FAM117B: variants seen among roughly 807,000 people sequenced by gnomAD.
The protein encoded by FAM117B is family with sequence similarity 117 member B.
A neutral mutation model predicts 52.8 loss-of-function variants in FAM117B; 22 were observed. That is an observed-to-expected ratio of 0.42 (90% confidence interval 0.30 to 0.59). The LOEUF is 0.59. FAM117B is among the 20% of genes least tolerant of loss of function. The pLI is 0.22. For synonymous variants in FAM117B, 309 were observed against 324.1 expected (o/e 0.95, Z 0.50); for missense variants, 678 against 802.6 (o/e 0.84, Z 1.88).
At chr2:202,715,731 G>A (rs1282642686) in intron 2 of FAM117B, among the ~76,000 whole-genome samples, 1 of 152,346 alleles carries the variant, frequency 6.6e-6, no homozygotes, top group Non-Finnish European at 1.5e-5. Flanking sequence ...CAAGGCAGGC[G>A]GCTGGGAGGT....
intron 4 of FAM117B, among the ~76,000 whole-genome samples, chr2:202,743,085 G>C (rs1157388004): frequency 6.6e-6 from 1 of 152,148 alleles, no homozygotes; most frequent in East Asian, 1.9e-4. Context: ...GGAAACCCAA[G>C]GACTAGCTTA....
intron 2 of FAM117B, among the ~76,000 whole-genome samples, chr2:202,707,120 C>T (rs962155111): frequency 1.3e-5 from 2 of 152,126 alleles, no homozygotes; most frequent in African/African-American, 2.4e-5. Flanking sequence ...TGGCTCACTG[C>T]AGCCTTGACC....
At chr2:202,741,737 C>T (rs1162486670) in intron 4 of FAM117B, among the ~76,000 whole-genome samples, 1 of 151,960 alleles carries the variant, frequency 6.6e-6, no homozygotes, top group African/African-American at 2.4e-5. Flanking sequence ...GGGGTTTCAC[C>T]GTGTTAGCCA....
intron 1 of FAM117B, among the ~76,000 whole-genome samples, chr2:202,668,777 A>G (rs1235085131): frequency 6.6e-6 from 1 of 152,106 alleles, no homozygotes; most frequent in Admixed American, 6.6e-5. Flanking sequence ...TGCATTAAAT[A>G]TATGCCTCTA....
At chr2:202,739,519 G>A (rs939698255) in intron 4 of FAM117B, among the ~76,000 whole-genome samples, 1 of 144,922 alleles carries the variant, frequency 6.9e-6, no homozygotes, top group Non-Finnish European at 1.5e-5. Context: ...CTAGAATGGA[G>A]TGACCATGTC....
In FAM117B at chr2:202,697,802, G is replaced by C. The variant is rs1005790507; in HGVS notation, c.753+1770G>C. On this transcript the variant is annotated intron_variant, in intron 2 of 7. Coordinates refer to ENST00000392238, the MANE Select transcript of FAM117B (RefSeq NM_173511.4). ...TGTCCTCAAGTGATCTGCCTACCTC[G>C]GCCTCCCAAAGTGCTGGGATTACAG... Among the ~76,000 whole-genome samples, 3 of 151,866 alleles carry C rather than the reference G, an allele frequency of 2.0e-5. No homozygotes were observed. The South Asian group carries it at 6.3e-4, about 32-fold the overall frequency.
intron 1 of FAM117B, among the ~76,000 whole-genome samples, chr2:202,663,740 C>T (rs1012391391): frequency 1.3e-5 from 2 of 152,130 alleles, no homozygotes; most frequent in Non-Finnish European, 2.9e-5. Context: ...CCCCCTGCCA[C>T]ACCCAGCTAA....
At chr2:202,687,147 G>A (rs1206103797) in intron 1 of FAM117B, among the ~76,000 whole-genome samples, 1 of 152,172 alleles carries the variant, frequency 6.6e-6, no homozygotes. Flanking sequence ...GCAACAACAA[G>A]CATGGATCTC....
At chr2:202,694,582 T>C (rs1690682087) in intron 1 of FAM117B, among the ~76,000 whole-genome samples, 1 of 152,178 alleles carries the variant, frequency 6.6e-6, no homozygotes, top group South Asian at 2.1e-4. Flanking sequence ...CACCATATTA[T>C]TTTACTATTT....
At chr2:202,755,454 T>TA in intron 4 of FAM117B, 84 bp from the exon 5 acceptor site, 1 of 1,495,446 alleles carries the variant, frequency 6.7e-7, no homozygotes, top group South Asian at 1.3e-5. Flanking sequence ...ATTTTTGAGT[T>TA]ACTTATGTCT....
intron 1 of FAM117B, among the ~76,000 whole-genome samples, chr2:202,660,095 A>G (rs1439246172): frequency 6.6e-6 from 1 of 151,614 alleles, no homozygotes; most frequent in African/African-American, 2.4e-5. Context: ...GTTCTTTTTT[A>G]TAGTTTCAAT....
intron 1 of FAM117B, among the ~76,000 whole-genome samples, chr2:202,670,805 T>A (rs1398438083): frequency 3.9e-5 from 6 of 152,230 alleles, no homozygotes; most frequent in African/African-American, 1.4e-4. Flanking sequence ...TAGCTGAGCC[T>A]GGTCATGTAC....
chr2:202,765,335 T>C lies in FAM117B; in HGVS notation c.1452-111T>C, dbSNP rs897510782. On this transcript the variant is annotated intron_variant, in intron 7 of 7. Transcript: ENST00000392238. ...TGAGTTTTATATTCCTTTTCTGTGA[T>C]GTAAGTTAACTGTTTTTAAAAAATA... The C allele has an allele frequency of 5.6e-5, 59 of 1,054,660 alleles. 1 individual carries two copies. The East Asian group carries it at 1.4e-3, about 26-fold the overall frequency. 65.3% of individuals were successfully genotyped at this position (1,054,660 alleles called of 1,614,324 possible).
At chr2:202,636,571 G>A (rs1272218924) in intron 1 of FAM117B, among the ~76,000 whole-genome samples, 1 of 152,218 alleles carries the variant, frequency 6.6e-6, no homozygotes, top group Non-Finnish European at 1.5e-5. Context: ...GAGCTGTTGG[G>A]TGCCAATGGA....
intron 2 of FAM117B, among the ~76,000 whole-genome samples, chr2:202,722,709 A>G (rs1227213887): frequency 6.6e-6 from 1 of 152,134 alleles, no homozygotes; most frequent in Non-Finnish European, 1.5e-5. Flanking sequence ...ATCAGGGAAA[A>G]TAGCTAATGA....
chr2:202,648,518 A>ACCCCC (rs56196446), intron 1 of FAM117B, among the ~76,000 whole-genome samples: 2 of 96,672 alleles, frequency 2.1e-5, no homozygotes, highest in African/African-American at 6.9e-5. Context: ...CTCTGTCCCC[A>ACCCCC]CCCCCCCCCC....
intron 1 of FAM117B, among the ~76,000 whole-genome samples, chr2:202,677,228 C>T (rs1432767580): frequency 5.3e-5 from 8 of 152,132 alleles, no homozygotes; most frequent in South Asian, 2.1e-4. Flanking sequence ...CCACCATTCC[C>T]GGCTAATTTT....
At chr2:202,758,558 T>C (rs1283933252) in intron 6 of FAM117B, among the ~76,000 whole-genome samples, 1 of 152,214 alleles carries the variant, frequency 6.6e-6, no homozygotes, top group Non-Finnish European at 1.5e-5. Flanking sequence ...GCTTAGCTGG[T>C]ACAGACTGAA....
chr2:202,747,813 A>C (rs1177741505), intron 4 of FAM117B, among the ~76,000 whole-genome samples: 1 of 152,170 alleles, frequency 6.6e-6, no homozygotes, highest in Non-Finnish European at 1.5e-5. Flanking sequence ...TGAAGAGGAC[A>C]CAAATGGAAA....
Sources: allele counts gnomAD v4.1 joint callset (sites outside exome capture counted in the v4.1 genomes callset), GRCh38; gene constraint gnomAD v4.1.1; transcripts MANE v1.5; gene names NCBI Gene and HGNC (gene_info 2026-07-23, HGNC 2026-07-21).